Variants in COPS9 observed in about 807,000 individuals in gnomAD.
COPS9 encodes COP9 signalosome complex subunit 9.
A neutral mutation model predicts 7.2 loss-of-function variants in COPS9; 8 were observed. That is an observed-to-expected ratio of 1.11 (90% CI 0.65 to 2.00). The LOEUF is 2.00. Ranked by LOEUF, COPS9 falls within the 30% of genes most tolerant of loss-of-function variation. COPS9 has a pLI of 0.00. For missense variants in COPS9, 74 were observed against 77.7 expected (o/e 0.95, Z 0.18); for synonymous variants, 39 against 28.7 (o/e 1.36, Z -1.14).
downstream of COPS9, chr2:240,126,884 T>G (rs746722724): frequency 1.2e-6 from 2 of 1,614,076 alleles, no homozygotes; most frequent in Non-Finnish European, 1.7e-6. Context: ...GCCCATGGCC[T>G]GTGCTCCCAA....
intron 1 of COPS9, 130 bp downstream of exon 1, chr2:240,136,092 A>G (rs1574949885): frequency 1.6e-6 from 2 of 1,282,200 alleles, no homozygotes; most frequent in Middle Eastern, 2.8e-4. Flanking sequence ...CGGGGCAGGG[A>G]GCCTGGGAGC....
Position 240,136,228 on chromosome 2 carries a change from C to A in COPS9, c.57G>T (p.Leu19=). ...FPEGAGPYVD[L]DEAGGSTGLL... ...CCCGCCGGGCCCGTGCCACCTCGTC[C>A]AGGTCCACGTAGGGCCCGGCGCCCT... Residue 19 remains leucine (L), a synonymous_variant, in exon 1 of 3, where the codon CTG becomes CTT. Coordinates refer to ENST00000607357, the MANE Select transcript of COPS9 (RefSeq NM_001163424.2). 1 of 1,558,336 alleles carries A rather than the reference C, an allele frequency of 6.4e-7. No individual in the cohort carries two copies. The highest frequency in any genetic ancestry group is 8.6e-7 in the Non-Finnish European group (1 of 1,156,230).
downstream of COPS9, chr2:240,130,124 C>T (rs2071906837): frequency 2.0e-6 from 2 of 977,514 alleles, no homozygotes. Context: ...ACATTCGGTT[C>T]TGCTTAAGAT....
At chr2:240,130,019 T>G (rs780194012), downstream of COPS9, 3 of 1,612,892 alleles carry the variant, frequency 1.9e-6, no homozygotes, top group South Asian at 3.3e-5. Context: ...TCCTGGGCAG[T>G]CCTGAGCTGC....
chr2:240,135,414 T>C (rs2071966207), intron 1 of COPS9, among the ~76,000 whole-genome samples: 1 of 152,174 alleles, frequency 6.6e-6, no homozygotes, highest in Non-Finnish European at 1.5e-5. Flanking sequence ...CGCTCTGCCA[T>C]GCTATTACCT....
chr2:240,136,328 G>A, upstream of COPS9: 2 of 1,520,866 alleles, frequency 1.3e-6, no homozygotes, highest in Admixed American at 2.1e-5. Context: ...CCTCAGAGCC[G>A]CTTCCGGCGC....
chr2:240,133,819 G>T, intron 2 of COPS9, 114 bp downstream of exon 2: 2 of 1,033,488 alleles, frequency 1.9e-6, no homozygotes, highest in South Asian at 1.4e-5. Context: ...GAGGAGCGCA[G>T]GGGCTCTACC....
intron 1 of COPS9, among the ~76,000 whole-genome samples, chr2:240,134,987 A>T (rs1253634814): frequency 2.5e-5 from 2 of 80,838 alleles, no homozygotes; most frequent in South Asian, 3.1e-4. Context: ...CACATCGCCT[A>T]GGACTGTGAA....
intron 1 of COPS9, chr2:240,135,965 C>G (rs1469830611): frequency 1.9e-6 from 1 of 530,978 alleles, no homozygotes; most frequent in Non-Finnish European, 3.1e-6. Flanking sequence ...GGGCACCCAG[C>G]AGGCACTCAA....
downstream of COPS9, among the ~76,000 whole-genome samples, chr2:240,128,665 G>A (rs977412008): frequency 6.6e-6 from 1 of 152,188 alleles, no homozygotes; most frequent in African/African-American, 2.4e-5. Context: ...GTCAGTGTAG[G>A]TGAAGACACA....
chr2:240,134,566 G>C (rs1458297041), intron 1 of COPS9, among the ~76,000 whole-genome samples: 2 of 152,176 alleles, frequency 1.3e-5, no homozygotes, highest in Non-Finnish European at 2.9e-5. Flanking sequence ...CCTGTTTAGA[G>C]TCAACCGGTG....
chr2:240,130,071 G>A (rs201216799), downstream of COPS9: 305 of 1,521,074 alleles, frequency 2.0e-4, no homozygotes, highest in African/African-American at 3.3e-3. Flanking sequence ...GGATGACAGG[G>A]TGGAAATCCA....
downstream of COPS9, among the ~76,000 whole-genome samples, chr2:240,128,327 A>G (rs2106554387): frequency 6.6e-6 from 1 of 152,372 alleles, no homozygotes; most frequent in African/African-American, 2.4e-5. Context: ...AGTTGAGTCC[A>G]GGGATCTTTG....
intron 1 of COPS9, chr2:240,134,417 G>C (rs1029459686): frequency 5.7e-6 from 1 of 175,920 alleles, no homozygotes; most frequent in Non-Finnish European, 1.2e-5. Context: ...CCACTTCCCC[G>C]AGGAAACTGA....
intron 1 of COPS9, chr2:240,135,731 C>G (rs1370704813): frequency 6.4e-6 from 1 of 156,094 alleles, no homozygotes; most frequent in Non-Finnish European, 1.4e-5. Flanking sequence ...GACGGCTGCT[C>G]CAGTCTTCCC....
rs1443615823 is a variant in COPS9 at position 240,133,985 on chromosome 2, G to A, written c.84C>T (p.Leu28=). The change falls in exon 2 of 3, where the codon CTC becomes CTT. Residue 28 remains leucine, a synonymous_variant. Coordinates refer to ENST00000607357, the MANE Select transcript of COPS9 (RefSeq NM_001163424.2). ...DLDEAGGSTG[L]LMDLAANEKA... ...TTTCATTGGCTGCCAAGTCCATCAA[G>A]AGCCCGGTGCTGCCTCCCGCCTGGG... is the stretch of plus-strand genomic sequence containing the variant. 4 of 1,614,056 alleles carry A rather than the reference G, an allele frequency of 2.5e-6. No individual in the cohort carries two copies. Among genetic ancestry groups the A allele is most frequent in the Non-Finnish European group, 3.4e-6 (4 of 1,180,026 alleles).
intron 2 of COPS9, 114 bp from the exon 3 acceptor site, chr2:240,131,202 A>G: frequency 8.2e-7 from 1 of 1,223,286 alleles, no homozygotes. Context: ...TCAATGATCC[A>G]ATGAAATAAA....
chr2:240,131,573 C>T (rs1339026237), intron 2 of COPS9, among the ~76,000 whole-genome samples: 2 of 152,220 alleles, frequency 1.3e-5, no homozygotes, highest in Non-Finnish European at 2.9e-5. Context: ...AAAGGTGAAG[C>T]CTCCAGTAAG....
chr2:240,132,599 G>A lies in COPS9; in HGVS notation c.136+1334C>T, dbSNP rs1449616435. Among the ~76,000 whole-genome samples the A allele has an allele frequency of 1.3e-5, 2 of 152,202 alleles. No individual in the cohort carries two copies. The highest frequency in any genetic ancestry group is 1.3e-4 in the Admixed American group (2 of 15,288). On this transcript the variant is annotated intron_variant, in intron 2 of 2. Coordinates refer to ENST00000607357, the MANE Select transcript of COPS9 (RefSeq NM_001163424.2). The surrounding 1 kb of genome is among the most constrained non-coding windows in gnomAD (Gnocchi z 4.1). ...AGATGCTTTCCCGTCAGGATTCAAG[G>A]GCTGACTCTGGAAGTCATGTGAACT...
Sources: gnomAD v4.1 joint callset for allele counts (sites outside exome capture counted in the v4.1 genomes callset) on GRCh38, gnomAD v4.1.1 for gene constraint, Gnocchi (gnomAD v3.1) non-coding constraint, MANE v1.5 for transcripts, NCBI Gene and HGNC (gene_info 2026-07-23, HGNC 2026-07-21) for gene names.